Variants in MON2 observed in about 807,000 individuals in gnomAD.
The protein encoded by MON2 is MON2 regulator of endosome-to-Golgi trafficking.
MON2 carries 84 observed loss-of-function variants against 208.6 expected under a neutral mutation model. The ratio of observed to expected loss-of-function variants is 0.40; its 90% CI spans 0.34 to 0.48. The LOEUF (loss-of-function observed/expected upper bound fraction) is 0.48. Ranked by LOEUF, MON2 falls within the 20% of genes least tolerant of loss-of-function variation. MON2 has a pLI of 0.59. For synonymous variants in MON2, 660 were observed against 694.0 expected (o/e 0.95, Z 0.77); for missense variants, 1,611 against 2,015.4 (o/e 0.80, Z 3.84).
chr12:62,574,591 C>A (rs2074711373), intron 30 of MON2, among the ~76,000 whole-genome samples: 2 of 152,046 alleles, frequency 1.3e-5, no homozygotes. Flanking sequence ...GTTGCCCAGG[C>A]TTGGAGTTAT....
At chr12:62,499,892 T>A (rs895275950) in intron 5 of MON2, among the ~76,000 whole-genome samples, 6 of 149,800 alleles carry the variant, frequency 4.0e-5, no homozygotes, top group East Asian at 3.9e-4. Context: ...AAATTTTTTT[T>A]AAAATATTTT....
chr12:62,546,476 G>A (rs7970822), intron 21 of MON2, among the ~76,000 whole-genome samples: 6,832 of 151,988 alleles, frequency 0.045, 215 homozygotes, highest in Non-Finnish European at 0.059. Context: ...AATTCCAAAC[G>A]GGCATGGTGG....
Position 62,506,456 on chromosome 12 carries a change from G to C in MON2, c.790-1830G>C, listed in dbSNP as rs1050927816. Reference sequence around the variant, plus strand: ...GAGAATCTGATTTTTTAAAACATACGTTTAGTGGCTTATGCCTGTAATCAC... The same window carrying C: ...GAGAATCTGATTTTTTAAAACATACCTTTAGTGGCTTATGCCTGTAATCAC... On this transcript the variant is annotated intron_variant, in intron 7 of 34. Coordinates refer to ENST00000393630, the MANE Select transcript of MON2 (RefSeq NM_015026.3). 3.3e-5 allele frequency among the ~76,000 whole-genome samples: 5 copies of C among 152,180 alleles called. 1 individual carries two copies. The highest frequency in any genetic ancestry group is 3.3e-4 in the Admixed American group (5 of 15,294).
intron 23 of MON2, 112 bp downstream of exon 23, chr12:62,549,942 T>C: frequency 1.6e-6 from 1 of 608,156 alleles, no homozygotes; most frequent in Non-Finnish European, 2.6e-6. Flanking sequence ...TTTATATGGC[T>C]TTTAAATTTC....
In MON2 at chr12:62,552,983, G is replaced by C; in HGVS notation, c.3019G>C (p.Val1007Leu). 6.2e-7 allele frequency: 1 copy of C among 1,614,180 alleles called. No homozygotes were observed. Among genetic ancestry groups the C allele is most frequent in the Non-Finnish European group, 8.5e-7 (1 of 1,180,006 alleles). Residue 1007 changes from valine to leucine, a missense_variant, in exon 24 of 35, where the codon GTT (valine) becomes CTT (leucine). Val to Leu is a conservative substitution (Grantham distance 32, BLOSUM62 1). Transcript: ENST00000393630. Reference sequence around the variant, plus strand: ...AAAGCAGGCAGAAGAGAAAGGAGTTGTTTTAAATCGGCCATTCCACCCTGC... The same window carrying C: ...AAAGCAGGCAGAAGAGAAAGGAGTTCTTTTAAATCGGCCATTCCACCCTGC... ...QQKQAEEKGV[V>L]LNRPFHPAPP... is the part of the protein sequence containing the mutation.
chr12:62,506,387 AT>A (rs1488534624), intron 7 of MON2, among the ~76,000 whole-genome samples: 1 of 152,142 alleles, frequency 6.6e-6, no homozygotes, highest in African/African-American at 2.4e-5. Context: ...CAAGACTTTT[AT>A]TTTTATCTTT....
At chr12:62,502,241 AT>A (rs963612182) in intron 7 of MON2, among the ~76,000 whole-genome samples, 2 of 151,696 alleles carry the variant, frequency 1.3e-5, no homozygotes, top group East Asian at 1.9e-4. Flanking sequence ...ATAAAACAAA[AT>A]TTTTTTAAAA....
At chr12:62,579,896 T>G (rs2074940593) in intron 31 of MON2, among the ~76,000 whole-genome samples, 1 of 152,232 alleles carries the variant, frequency 6.6e-6, no homozygotes, top group Non-Finnish European at 1.5e-5. Flanking sequence ...AATATAACTT[T>G]AATTTCTCTT....
At position 62,597,182 on chromosome 12, in the gene MON2, T is replaced by C. The variant is rs2075543893; in HGVS notation, c.*4433T>C. On this transcript the variant is annotated 3_prime_UTR_variant, in exon 35 of 35. Coordinates refer to ENST00000393630, the MANE Select transcript of MON2 (RefSeq NM_015026.3). ...ATATTGTAAGAGAGATCTTTGACCA[T>C]TTTTCTTCCTTTTTCTTGGACATCA... 1 of 152,200 alleles carries C rather than the reference T, an allele frequency of 6.6e-6. No homozygotes were observed. The highest frequency in any genetic ancestry group is 1.5e-5 in the Non-Finnish European group (1 of 68,008). The allele number at this position is 152,200 out of a possible 1,614,324, so 9.4% of individuals were successfully genotyped here.
rs145382587 is a variant in MON2 at position 62,547,289 on chromosome 12, G to A, written c.2753+217G>A. On this transcript the variant is annotated intron_variant, in intron 22 of 34. Coordinates refer to ENST00000393630, the MANE Select transcript of MON2 (RefSeq NM_015026.3). Reference sequence around the variant, plus strand: ...CCTAAGTGGCTACAGGCAATTTTTAGGGATCACCTTTGGTTTGGAAAGATG... The same window carrying A: ...CCTAAGTGGCTACAGGCAATTTTTAAGGATCACCTTTGGTTTGGAAAGATG... Among the ~76,000 whole-genome samples, 18 of 152,174 alleles carry A rather than the reference G, an allele frequency of 1.2e-4. 1 individual carries two copies. The East Asian group carries it at 3.5e-3, about 29-fold the overall frequency.
At chr12:62,529,450 G>A (rs942806574) in intron 11 of MON2, among the ~76,000 whole-genome samples, 4 of 151,886 alleles carry the variant, frequency 2.6e-5, no homozygotes, top group Non-Finnish European at 5.9e-5. Flanking sequence ...TTTTAATTTA[G>A]CATTTCTTTA....
rs147020756 is a variant in MON2 at position 62,555,953 on chromosome 12, A to G, written c.3211-41A>G. The G allele has an allele frequency of 3.3e-4, 476 of 1,421,770 alleles. 1 individual carries two copies. The African/African-American group carries it at 6.0e-3, about 18-fold the overall frequency. 88.1% of individuals were successfully genotyped at this position (1,421,770 alleles called of 1,614,324 possible). On this transcript the variant is annotated intron_variant, in intron 24 of 34. Transcript: ENST00000393630. ...GCTCCTATGCTATTACTTAAGCTAT[A>G]TTATCAATGCATTTTAAATGACATT...
In MON2 at chr12:62,598,320, A is replaced by G. The variant is rs191657289; in HGVS notation, c.*5571A>G. The G allele has an allele frequency of 2.0e-4, 30 of 152,310 alleles. No individual in the cohort carries two copies. The highest frequency in any genetic ancestry group is 7.2e-4 in the African/African-American group (30 of 41,570). 9.4% of individuals were successfully genotyped at this position (152,310 alleles called of 1,614,324 possible). On this transcript the variant is annotated 3_prime_UTR_variant, in exon 35 of 35. Transcript: ENST00000393630. ...GTAGTTACACTAAGTTTTATTTTAA[A>G]CTAAAATTCAATAAACAGTGCAGCC... is the stretch of plus-strand genomic sequence containing the variant.
In MON2 at chr12:62,597,217, C is replaced by T. The variant is rs1191184273; in HGVS notation, c.*4468C>T. 6.6e-6 allele frequency: 1 copy of T among 151,634 alleles called. No individual in the cohort carries two copies. The highest frequency in any genetic ancestry group is 2.4e-5 in the African/African-American group (1 of 41,246). The allele number at this position is 151,634 out of a possible 1,614,324, so 9.4% of individuals were successfully genotyped here. A position where few individuals can be genotyped will look rare whatever the true frequency, so the allele number is the denominator to read the frequency against. ...TTTTTCTTGGACATCACTTTCTTCC[C>T]TCCCCTTCTCTCTTTTATGTTTTTA... On this transcript the variant is annotated 3_prime_UTR_variant, in exon 35 of 35. Transcript: ENST00000393630.
chr12:62,543,069 A>G, intron 19 of MON2, 28 bp from the exon 20 acceptor site: 3 of 1,248,874 alleles, frequency 2.4e-6, no homozygotes, highest in Non-Finnish European at 3.4e-6. Context: ...TCCTTATACT[A>G]TCAAAATACA....
chr12:62,569,754 CAG>C (rs2074516629), intron 29 of MON2, among the ~76,000 whole-genome samples: 1 of 152,084 alleles, frequency 6.6e-6, no homozygotes. Flanking sequence ...GAAGTAGGGA[CAG>C]TTCCTCCCAA....
chr12:62,554,480 C>T (rs1486108597), intron 24 of MON2, among the ~76,000 whole-genome samples: 2 of 151,628 alleles, frequency 1.3e-5, no homozygotes, highest in African/African-American at 2.4e-5. Context: ...AGAAATTATT[C>T]ATAGGCTACA....
intron 1 of MON2, among the ~76,000 whole-genome samples, chr12:62,474,670 C>T (rs941134580): frequency 6.6e-6 from 1 of 152,170 alleles, no homozygotes; most frequent in Admixed American, 6.5e-5. Context: ...GTTATCTGCC[C>T]GCCTCGGCCT....
chr12:62,549,284 T>C (rs2073636549), intron 22 of MON2, among the ~76,000 whole-genome samples: 1 of 152,110 alleles, frequency 6.6e-6, no homozygotes, highest in South Asian at 2.1e-4. Context: ...AAATTTTACT[T>C]CAAATTATTG....
Sources: allele counts gnomAD v4.1 joint callset (sites outside exome capture counted in the v4.1 genomes callset), GRCh38; gene constraint gnomAD v4.1.1; transcripts MANE v1.5; gene names NCBI Gene and HGNC (gene_info 2026-07-23, HGNC 2026-07-21).